Variants in MRTFB observed in about 807,000 individuals in gnomAD.
MRTFB encodes the protein myocardin related transcription factor B, also known as myocardin-related transcription factor B.
Under a neutral mutation model 104.2 loss-of-function variants are expected in MRTFB, and 29 were observed. That is an observed-to-expected ratio of 0.28 (90% CI 0.21 to 0.38). MRTFB has a LOEUF of 0.38. MRTFB is among the 10% of genes least tolerant of loss of function. The pLI is 1.00. For missense variants in MRTFB, 1,270 were observed against 1,341.6 expected (o/e 0.95, Z 0.83); for synonymous variants, 535 against 519.5 (o/e 1.03, Z -0.41).
chr16:14,114,654 C>T (rs1202497020), intron 2 of MRTFB, among the ~76,000 whole-genome samples: 2 of 152,174 alleles, frequency 1.3e-5, no homozygotes, highest in African/African-American at 2.4e-5. Context: ...TCAGTTTCTT[C>T]CTCTCTGTAG....
At chr16:14,251,142 C>T (rs547890515) in intron 13 of MRTFB, among the ~76,000 whole-genome samples, 29 of 151,830 alleles carry the variant, frequency 1.9e-4, no homozygotes, top group Middle Eastern at 3.4e-3. Flanking sequence ...TTTGGGAGGC[C>T]GAGGCGGGTG....
At chr16:14,126,010 C>CT (rs1467270278) in intron 2 of MRTFB, among the ~76,000 whole-genome samples, 3 of 152,042 alleles carry the variant, frequency 2.0e-5, no homozygotes, top group African/African-American at 7.2e-5. Flanking sequence ...TCTGGCTACT[C>CT]TAAGGAAAAG....
chr16:14,073,000 T>G (rs1341608206), intron 1 of MRTFB, among the ~76,000 whole-genome samples: 1 of 152,206 alleles, frequency 6.6e-6, no homozygotes, highest in Non-Finnish European at 1.5e-5. Flanking sequence ...AGTATCTCAC[T>G]TGTTTGTATA....
intron 3 of MRTFB, among the ~76,000 whole-genome samples, chr16:14,146,147 G>C (rs964696681): frequency 2.0e-5 from 3 of 152,184 alleles, no homozygotes; most frequent in Non-Finnish European, 4.4e-5. Flanking sequence ...GGTATGTCTT[G>C]AGTCCAGGTA....
rs147606499 is a variant in MRTFB, at chr16:14,130,096, G to A, written c.-63-10448G>A. The stretch of plus-strand genomic sequence containing the variant: ...TCTGCCCACCTCGGCCTCCCAAGGT[G>A]CTGGGATTACTGGTGTGAGCCATCG... On this transcript the variant is annotated intron_variant, in intron 2 of 16. Coordinates refer to ENST00000571589, the MANE Select transcript of MRTFB (RefSeq NM_001308142.2). Among the ~76,000 whole-genome samples the A allele has an allele frequency of 1.7e-3, 265 of 152,296 alleles. 1 individual carries two copies. Among genetic ancestry groups the A allele is most frequent in the African/African-American group, 5.9e-3 (244 of 41,560 alleles).
chr16:14,205,870 G>A (rs189452332), intron 3 of MRTFB, among the ~76,000 whole-genome samples: 15 of 152,284 alleles, frequency 9.9e-5, no homozygotes, highest in South Asian at 2.1e-4. Context: ...GCAAGGCACC[G>A]GGAGAGAATG....
chr16:14,054,578 C>T, the MRTFB span, among the ~76,000 whole-genome samples: 1 of 152,132 alleles, frequency 6.6e-6, no homozygotes, highest in Non-Finnish European at 1.5e-5. Flanking sequence ...TCCTGGCCTC[C>T]TTATTGATTT....
chr16:14,243,442 T>C (rs1001201646), intron 10 of MRTFB, among the ~76,000 whole-genome samples: 2 of 152,214 alleles, frequency 1.3e-5, no homozygotes, highest in Non-Finnish European at 2.9e-5. Flanking sequence ...CCAAGTCTCT[T>C]GGCTTCAGCA....
intron 3 of MRTFB, among the ~76,000 whole-genome samples, chr16:14,201,962 G>T (rs1023950525): frequency 1.3e-5 from 2 of 152,082 alleles, no homozygotes; most frequent in African/African-American, 4.8e-5. Flanking sequence ...TATAAACCTT[G>T]TTGAAGTCTT....
chr16:14,227,229 A>AGAGAT, intron 8 of MRTFB, among the ~76,000 whole-genome samples: 1 of 151,928 alleles, frequency 6.6e-6, no homozygotes, highest in South Asian at 2.1e-4. Flanking sequence ...AGCCTCCCTT[A>AGAGAT]GAGATAAGTG....
At chr16:14,189,598 T>C (rs1478110967) in intron 3 of MRTFB, among the ~76,000 whole-genome samples, 2 of 152,256 alleles carry the variant, frequency 1.3e-5, no homozygotes, top group Non-Finnish European at 2.9e-5. Flanking sequence ...ATATTTATCA[T>C]ATTTTATATC....
intron 3 of MRTFB, among the ~76,000 whole-genome samples, chr16:14,161,870 A>G (rs1231508548): frequency 2.0e-5 from 3 of 152,152 alleles, no homozygotes; most frequent in Non-Finnish European, 4.4e-5. Flanking sequence ...AAAAAGAAAA[A>G]TACCGGATTT....
chr16:14,234,427 C>A, intron 9 of MRTFB, 144 bp downstream of exon 9: 1 of 934,898 alleles, frequency 1.1e-6, no homozygotes, highest in Non-Finnish European at 1.5e-6. Context: ...CATGCAAAGA[C>A]TTGCTAGACT....
chr16:14,035,781 C>T, the MRTFB span, among the ~76,000 whole-genome samples: 7 of 151,668 alleles, frequency 4.6e-5, no homozygotes, highest in African/African-American at 1.7e-4. Flanking sequence ...CATGAGTAAC[C>T]AAAGTTCTTT....
rs1001184829 is a variant in MRTFB, at chr16:14,248,938, G to A, written c.2260G>A (p.Ala754Thr). The A allele has an allele frequency of 2.5e-6, 4 of 1,613,372 alleles. No individual in the cohort carries two copies. Among genetic ancestry groups the A allele is most frequent in the Admixed American group, 1.7e-5 (1 of 59,854 alleles). The change falls in exon 13 of 17, where the codon GCA becomes ACA. Residue 754 changes from alanine to threonine, a missense_variant. Around this residue, in one of 3 missense-constraint regions of MRTFB, gnomAD observed 1,144 missense variants for 1,131.5 expected, o/e 1.01. Transcript: ENST00000571589. ...GSLKLQTSPQ[A>T]GMQTQPQIAT... is the part of the protein sequence containing the mutation. The stretch of plus-strand genomic sequence containing the variant: ...ATTCACCTCCTAGACTTCACCACAA[G>A]CAGGAATGCAGACTCAGCCTCAGAT...
In MRTFB at chr16:14,092,030, C is replaced by T. The variant is rs531769242; in HGVS notation, c.-64+12676C>T. Among the ~76,000 whole-genome samples the T allele has an allele frequency of 1.4e-3, 212 of 150,952 alleles. 3 individuals are homozygous for T. The highest frequency in any genetic ancestry group is 2.2e-3 in the Non-Finnish European group (152 of 67,772). The stretch of plus-strand genomic sequence containing the variant: ...AAAAAAAAAAAAAAAAAGAATGCCT[C>T]CCAAGTTAGTGGCTTTGGTAACCTA... On this transcript the variant is annotated intron_variant, in intron 2 of 16. Transcript: ENST00000571589.
rs2150990040 is a variant in MRTFB, at chr16:14,176,235, T to C, written c.155-34008T>C. Reference sequence around the variant, plus strand: ...CTGCTAAATACAAGAATTTATTTAATTAAAGAGAAGCTTGACCATGTAAAA... The same window carrying C: ...CTGCTAAATACAAGAATTTATTTAACTAAAGAGAAGCTTGACCATGTAAAA... On this transcript the variant is annotated intron_variant, in intron 3 of 16. Transcript: ENST00000571589. Among the ~76,000 whole-genome samples, 3 of 152,340 alleles carry C rather than the reference T, an allele frequency of 2.0e-5. 1 individual carries two copies. The South Asian group carries it at 6.2e-4, about 32-fold the overall frequency.
chr16:14,119,566 A>G (rs1347231849), intron 2 of MRTFB, among the ~76,000 whole-genome samples: 1 of 152,236 alleles, frequency 6.6e-6, no homozygotes. Context: ...ACTAGGAAAT[A>G]GTAGACCAGT....
chr16:14,035,974 A>G, the MRTFB span, among the ~76,000 whole-genome samples: 21 of 151,004 alleles, frequency 1.4e-4, no homozygotes, highest in South Asian at 4.2e-3. Context: ...GAGAACATGC[A>G]ATGTTTGGTT....
Sources: gnomAD v4.1 joint callset for allele counts (sites outside exome capture counted in the v4.1 genomes callset) on GRCh38, gnomAD v4.1.1 for gene constraint, gnomAD v4.1.1 regional missense constraint, MANE v1.5 for transcripts, NCBI Gene and HGNC (gene_info 2026-07-23, HGNC 2026-07-21) for gene names.